Variants in ACTR3 observed in about 807,000 individuals in gnomAD.
The protein encoded by ACTR3 is actin-related protein 3.
ACTR3 carries 12 observed loss-of-function variants against 56.8 expected under a neutral mutation model. The ratio of observed to expected loss-of-function variants is 0.21; its 90% CI spans 0.14 to 0.34. The LOEUF is 0.34. Among genes scored for constraint, ACTR3 ranks in the 10% least tolerant of loss-of-function variants. The pLI is 1.00. For missense variants in ACTR3, 282 were observed against 512.5 expected (o/e 0.55, Z 4.34); for synonymous variants, 162 against 167.4 (o/e 0.97, Z 0.25).
chr2:113,902,920 A>G lies in ACTR3; in HGVS notation c.45-10252A>G, dbSNP rs185379061. ...GGCCACAACATGGTGTTTTGATATA[A>G]GTAAACCTTGTGTCATGAGTCTTAC... On this transcript the variant is annotated intron_variant, in intron 1 of 11. Coordinates refer to ENST00000263238, the MANE Select transcript of ACTR3 (RefSeq NM_005721.5). Among the ~76,000 whole-genome samples the G allele has an allele frequency of 8.5e-4, 130 of 152,344 alleles. 1 individual carries two copies. The highest frequency in any genetic ancestry group is 3.0e-3 in the African/African-American group (125 of 41,586).
At chr2:113,939,364 A>G (rs2104617102) in intron 6 of ACTR3, among the ~76,000 whole-genome samples, 1 of 152,308 alleles carries the variant, frequency 6.6e-6, no homozygotes, top group African/African-American at 2.4e-5. Flanking sequence ...TTCTCTTTAA[A>G]TTGAGAGGGT....
At chr2:113,931,807 C>T (rs1030956872) in intron 5 of ACTR3, among the ~76,000 whole-genome samples, 4 of 150,906 alleles carry the variant, frequency 2.7e-5, no homozygotes, top group Admixed American at 2.0e-4. Flanking sequence ...ATTTGACACC[C>T]TAATATTTCA....
intron 8 of ACTR3, among the ~76,000 whole-genome samples, chr2:113,947,747 C>T (rs1422487174): frequency 2.0e-5 from 3 of 152,134 alleles, no homozygotes; most frequent in African/African-American, 7.2e-5. Flanking sequence ...ATGTGTCTTG[C>T]TGCTAATGTT....
In ACTR3 at chr2:113,961,380, A is replaced by G. The variant is rs902873184; in HGVS notation, c.*3925A>G. 1 of 151,906 alleles carries G rather than the reference A, an allele frequency of 6.6e-6. No homozygotes were observed. The highest frequency in any genetic ancestry group is 1.5e-5 in the Non-Finnish European group (1 of 67,864). The allele number at this position is 151,906 out of a possible 1,614,324, so 9.4% of individuals were successfully genotyped here. The stretch of plus-strand genomic sequence containing the variant: ...TCACAGGAACAATAAAAAAGGAACA[A>G]CGATAGAAATACGTGATCTAGGAAA... On this transcript the variant is annotated 3_prime_UTR_variant, in exon 12 of 12. Coordinates refer to ENST00000263238, the MANE Select transcript of ACTR3 (RefSeq NM_005721.5).
At chr2:113,938,730 C>G (rs770262426) in intron 6 of ACTR3, among the ~76,000 whole-genome samples, 1 of 152,140 alleles carries the variant, frequency 6.6e-6, no homozygotes, top group Non-Finnish European at 1.5e-5. Flanking sequence ...GTGTGCTGAT[C>G]AGTATTCAGT....
chr2:113,958,086 A>T lies in ACTR3; in HGVS notation c.*631A>T, dbSNP rs55877945. On this transcript the variant is annotated 3_prime_UTR_variant, in exon 12 of 12. Transcript: ENST00000263238. ...AACTGATGCCTGCTAGTGCTTTCTG[A>T]TTACTCGCATTCTGTTTCTTGCTTT... The T allele has an allele frequency of 6.6e-6, 1 of 152,484 alleles. No individual in the cohort carries two copies. Among genetic ancestry groups the T allele is most frequent in the Non-Finnish European group, 1.5e-5 (1 of 68,016 alleles). 9.4% of individuals were successfully genotyped at this position (152,484 alleles called of 1,614,324 possible).
intron 1 of ACTR3, among the ~76,000 whole-genome samples, chr2:113,910,460 C>T (rs1033577179): frequency 3.9e-5 from 6 of 152,072 alleles, no homozygotes; most frequent in Admixed American, 3.3e-4. Flanking sequence ...TAATTGAACT[C>T]AAGGAGGGAG....
chr2:113,931,216 T>C (rs1270417832), intron 4 of ACTR3, 85 bp from the exon 5 acceptor site: 2 of 752,986 alleles, frequency 2.7e-6, no homozygotes, highest in Admixed American at 3.2e-5. Context: ...ATGTTTGAAA[T>C]AAATTACTTC....
At chr2:113,909,508 A>C (rs748494765) in intron 1 of ACTR3, among the ~76,000 whole-genome samples, 1 of 152,146 alleles carries the variant, frequency 6.6e-6, no homozygotes, top group East Asian at 1.9e-4. Flanking sequence ...TGTGTGGCTT[A>C]TGGTTGAAAT....
At chr2:113,920,537 T>C (rs1467599097) in intron 3 of ACTR3, among the ~76,000 whole-genome samples, 1 of 152,224 alleles carries the variant, frequency 6.6e-6, no homozygotes, top group Middle Eastern at 3.2e-3. Flanking sequence ...TGAAAATATA[T>C]AATAAATTAA....
chr2:113,904,862 CT>C (rs1049107595), intron 1 of ACTR3: 4 of 152,116 alleles, frequency 2.6e-5, no homozygotes, highest in Non-Finnish European at 5.9e-5. Flanking sequence ...TGGTTAGTGT[CT>C]TTTTGCCTTT....
intron 10 of ACTR3, 146 bp from the exon 11 acceptor site, chr2:113,955,477 A>G (rs1318266671): frequency 1.7e-6 from 1 of 585,166 alleles, no homozygotes; most frequent in African/African-American, 1.9e-5. Context: ...CCTCTGAGAC[A>G]GCCAATCTCA....
At chr2:113,911,396 A>G (rs181753722) in intron 1 of ACTR3, among the ~76,000 whole-genome samples, 88 of 146,974 alleles carry the variant, frequency 6.0e-4, no homozygotes, top group Non-Finnish European at 1.1e-3. Flanking sequence ...CTTATTTTTA[A>G]TGATTTACTC....
At chr2:113,936,302 CAAA>C (rs61526382) in intron 6 of ACTR3, among the ~76,000 whole-genome samples, 355 of 78,278 alleles carry the variant, frequency 4.5e-3, no homozygotes, top group African/African-American at 0.015. Flanking sequence ...ACCCTGTCTC[CAAA>C]AAAAAAAAAA....
At chr2:113,941,568 A>C (rs1679925998) in intron 7 of ACTR3, among the ~76,000 whole-genome samples, 1 of 152,072 alleles carries the variant, frequency 6.6e-6, no homozygotes, top group South Asian at 2.1e-4. Flanking sequence ...AAATAAAACA[A>C]ATATTGGTTG....
chr2:113,890,894 T>C, intron 1 of ACTR3: 1 of 596,210 alleles, frequency 1.7e-6, no homozygotes, highest in Non-Finnish European at 2.1e-6. Context: ...ACCACCCACC[T>C]TCTCCTTTCG....
rs572700609 is a variant in ACTR3 at position 113,938,768 on chromosome 2, C to T, written c.541-1191C>T. On this transcript the variant is annotated intron_variant, in intron 6 of 11. Transcript: ENST00000263238. ...AGGAGGTACTCTCTTCACATCTTCC[C>T]AGCTCCCTGTTGGTTCAACTCCTCC... 7.5e-4 allele frequency among the ~76,000 whole-genome samples: 114 copies of T among 152,250 alleles called. 1 individual carries two copies. The highest frequency in any genetic ancestry group is 2.7e-3 in the African/African-American group (114 of 41,564).
chr2:113,904,349 T>A (rs1166305078), intron 1 of ACTR3: 3 of 152,336 alleles, frequency 2.0e-5, no homozygotes, highest in Middle Eastern at 3.4e-3. Context: ...TTGGAAGTCT[T>A]TATCTTATAA....
At chr2:113,898,027 G>A (rs1369437888) in intron 1 of ACTR3, among the ~76,000 whole-genome samples, 1 of 152,136 alleles carries the variant, frequency 6.6e-6, no homozygotes, top group Admixed American at 6.6e-5. Context: ...ACAATGAGGA[G>A]GATAAAAGTC....
Sources: allele counts gnomAD v4.1 joint callset (sites outside exome capture counted in the v4.1 genomes callset), GRCh38; gene constraint gnomAD v4.1.1; transcripts MANE v1.5; gene names NCBI Gene and HGNC (gene_info 2026-07-23, HGNC 2026-07-21).